The following GANC variants were observed in gnomAD, a reference collection of about 807,000 sequenced individuals.
GANC encodes the protein glucosidase alpha, neutral C.
GANC carries 117 observed loss-of-function variants against 124.2 expected under a neutral mutation model. The ratio of observed to expected loss-of-function variants is 0.94; its 90% CI spans 0.81 to 1.10. The LOEUF (loss-of-function observed/expected upper bound fraction) is 1.10, where lower values mean the gene tolerates loss of function less well. Among genes scored for constraint, GANC ranks in the 50% least tolerant of loss-of-function variants. GANC has a pLI of 0.00. For synonymous variants in GANC, 377 were observed against 376.8 expected (o/e 1.00, Z -0.01); for missense variants, 1,140 against 1,095.0 (o/e 1.04, Z -0.58).
At chr15:42,329,054 C>A (rs1319148276) in intron 13 of GANC, among the ~76,000 whole-genome samples, 2 of 152,138 alleles carry the variant, frequency 1.3e-5, no homozygotes, top group African/African-American at 4.8e-5. Context: ...CAACACAGGG[C>A]AGCATTCTTT....
intron 15 of GANC, among the ~76,000 whole-genome samples, chr15:42,332,604 T>G (rs1261742818): frequency 6.6e-6 from 1 of 152,232 alleles, no homozygotes; most frequent in Non-Finnish European, 1.5e-5. Flanking sequence ...GTGAGCTTTC[T>G]TTCTTGATGA....
intron 14 of GANC, 131 bp downstream of exon 14, chr15:42,329,580 T>C: frequency 1.1e-6 from 1 of 925,718 alleles, no homozygotes; most frequent in Non-Finnish European, 1.6e-6. Context: ...ACAACTGCAA[T>C]GAGTCTTAGG....
intron 6 of GANC, among the ~76,000 whole-genome samples, chr15:42,303,684 A>AAAAG (rs2051968450): frequency 6.6e-6 from 1 of 151,450 alleles, no homozygotes; most frequent in East Asian, 1.9e-4. Flanking sequence ...AAAAAAAAAA[A>AAAAG]AGAAAGCAGG....
chr15:42,286,727 G>A (rs942531973), intron 3 of GANC, among the ~76,000 whole-genome samples: 1 of 152,138 alleles, frequency 6.6e-6, no homozygotes, highest in African/African-American at 2.4e-5. Context: ...CATGTTTTTG[G>A]TGCTGGCTTG....
chr15:42,306,658 T>C (rs753076991), intron 7 of GANC, 46 bp downstream of exon 7: 1 of 1,337,214 alleles, frequency 7.5e-7, no homozygotes, highest in Non-Finnish European at 1.1e-6. Flanking sequence ...ATTCTAAAAA[T>C]GTCTACATAA....
chr15:42,318,125 A>T (rs913358986), intron 10 of GANC, among the ~76,000 whole-genome samples: 2 of 152,116 alleles, frequency 1.3e-5, no homozygotes, highest in East Asian at 3.9e-4. Flanking sequence ...TCCTCCTCCC[A>T]TCTGGACCAT....
chr15:42,280,878 T>C (rs1490211785), intron 3 of GANC: 1 of 693,382 alleles, frequency 1.4e-6, no homozygotes, highest in South Asian at 1.5e-5. Context: ...TCAGTTTCTC[T>C]TTTTGGATCC....
At chr15:42,305,260 GA>G (rs965627610) in intron 6 of GANC, among the ~76,000 whole-genome samples, 2 of 151,542 alleles carry the variant, frequency 1.3e-5, no homozygotes, top group African/African-American at 2.4e-5. Flanking sequence ...AAAATTACAA[GA>G]AAAAAACAAC....
At chr15:42,335,044 G>A (rs1274623935) in intron 15 of GANC, among the ~76,000 whole-genome samples, 1 of 152,128 alleles carries the variant, frequency 6.6e-6, no homozygotes, top group Admixed American at 6.6e-5. Flanking sequence ...ATGTACAAAG[G>A]AGAGCTGATA....
At chr15:42,284,075 A>G (rs1010429457) in intron 3 of GANC, 1 of 684,846 alleles carries the variant, frequency 1.5e-6, no homozygotes, top group Non-Finnish European at 2.7e-6. Flanking sequence ...TCACTGTTCT[A>G]TGTCTTTTAG....
intron 10 of GANC, among the ~76,000 whole-genome samples, chr15:42,317,937 G>T (rs77496668): frequency 6.6e-6 from 1 of 152,170 alleles, no homozygotes; most frequent in Non-Finnish European, 1.5e-5. Context: ...CCTGCTGAGG[G>T]TTTAGCTCAA....
intron 13 of GANC, among the ~76,000 whole-genome samples, chr15:42,328,104 C>G (rs2052211609): frequency 6.6e-6 from 1 of 152,142 alleles, no homozygotes; most frequent in African/African-American, 2.4e-5. Context: ...AAAAACTTGC[C>G]AAGGTCATGC....
rs11449686 is a variant in GANC, at chr15:42,306,030, A to ATT, written c.559-503_559-502dup. On this transcript the variant is annotated intron_variant, in intron 6 of 23. Coordinates refer to ENST00000318010, the MANE Select transcript of GANC (RefSeq NM_198141.3). The stretch of plus-strand genomic sequence containing the variant: ...ATGGGTGCAGCAAACCACCATGTCT[A>ATT]TTTTTTTTTTTTTTGAGACAGAGTC... Among the ~76,000 whole-genome samples, 935 of 142,870 alleles carry ATT rather than the reference A, an allele frequency of 6.5e-3. 6 individuals carry two copies. The highest frequency in any genetic ancestry group is 0.011 in the African/African-American group (407 of 38,746). The allele number at this position is 142,870 out of a possible 152,430, so 93.7% of individuals were successfully genotyped here.
chr15:42,275,221 A>G (rs970472352), intron 1 of GANC, among the ~76,000 whole-genome samples: 3 of 152,036 alleles, frequency 2.0e-5, no homozygotes, highest in Non-Finnish European at 4.4e-5. Flanking sequence ...CAAAAATTTT[A>G]AAGTTAGCCA....
chr15:42,341,418 A>G (rs1028249949), intron 18 of GANC, among the ~76,000 whole-genome samples: 4 of 152,230 alleles, frequency 2.6e-5, no homozygotes, highest in Admixed American at 6.5e-5. Flanking sequence ...TTCATATGCA[A>G]TAATAGGGTT....
intron 6 of GANC, among the ~76,000 whole-genome samples, chr15:42,303,740 G>A (rs2051969062): frequency 6.8e-6 from 1 of 148,138 alleles, no homozygotes; most frequent in African/African-American, 2.5e-5. Context: ...AATCAACAAA[G>A]ATCAAAAGAG....
chr15:42,319,893 A>G (rs2141054872), intron 10 of GANC, among the ~76,000 whole-genome samples: 1 of 152,276 alleles, frequency 6.6e-6, no homozygotes, highest in African/African-American at 2.4e-5. Context: ...AAAAAGTTTC[A>G]GATTTTAGAG....
rs547632853 is a variant in GANC, at chr15:42,348,129, T to C, written c.2331T>C (p.Ser777=). The change falls in exon 21 of 24, where the codon AGT becomes AGC. Residue 777 remains serine, a synonymous_variant. Coordinates refer to ENST00000318010, the MANE Select transcript of GANC (RefSeq NM_198141.3). ...DTIPVFQRGG[S]VIPIKTTVGK... is the part of the protein sequence containing the mutation. The stretch of plus-strand genomic sequence containing the variant: ...TTCCAGTGTTTCAGCGAGGTGGAAG[T>C]GTGATACCAATAAAGACAACTGTAG... The C allele has an allele frequency of 1.2e-6, 2 of 1,612,154 alleles. No homozygotes were observed. The highest frequency in any genetic ancestry group is 2.2e-5 in the South Asian group (2 of 90,626).
At chr15:42,301,279 GC>G (rs2051943315) in intron 6 of GANC, among the ~76,000 whole-genome samples, 1 of 152,150 alleles carries the variant, frequency 6.6e-6, no homozygotes, top group Non-Finnish European at 1.5e-5. Context: ...CCCTCCCTTA[GC>G]CAAAGGAAAC....
Sources: allele counts gnomAD v4.1 joint callset (sites outside exome capture counted in the v4.1 genomes callset), GRCh38; gene constraint gnomAD v4.1.1; transcripts MANE v1.5; gene names NCBI Gene and HGNC (gene_info 2026-07-23, HGNC 2026-07-21).